Variants in FMNL2 observed in about 807,000 individuals in gnomAD.
FMNL2 encodes the protein formin-like protein 2.
FMNL2 carries 51 observed loss-of-function variants against 130.2 expected under a neutral mutation model. The ratio of observed to expected loss-of-function variants is 0.39; its 90% CI spans 0.31 to 0.49. The LOEUF (loss-of-function observed/expected upper bound fraction) is 0.49. FMNL2 is among the 20% of genes least tolerant of loss of function. The pLI is 0.85. For synonymous variants in FMNL2, 465 were observed against 467.1 expected (o/e 1.00, Z 0.06); for missense variants, 977 against 1,316.2 (o/e 0.74, Z 3.99).
intron 1 of FMNL2, among the ~76,000 whole-genome samples, chr2:152,432,241 T>C (rs1000580240): frequency 2.0e-5 from 3 of 152,078 alleles, no homozygotes; most frequent in African/African-American, 4.8e-5. Context: ...TCTCAGATGA[T>C]TCTGTCTTCA....
At chr2:152,408,769 A>G (rs1191266961) in intron 1 of FMNL2, among the ~76,000 whole-genome samples, 1 of 152,216 alleles carries the variant, frequency 6.6e-6, no homozygotes, top group East Asian at 1.9e-4. Context: ...TAAAGTGTTG[A>G]ATATCTCATG....
chr2:152,453,581 CA>C (rs1386790045), intron 1 of FMNL2, among the ~76,000 whole-genome samples: 1 of 152,122 alleles, frequency 6.6e-6, no homozygotes, highest in African/African-American at 2.4e-5. Context: ...GAGGGAGAAA[CA>C]AAAGGAGTTC....
chr2:152,432,728 T>C (rs1687563629), intron 1 of FMNL2, among the ~76,000 whole-genome samples: 1 of 152,254 alleles, frequency 6.6e-6, no homozygotes. Flanking sequence ...GGGCCGTTAA[T>C]TAAACTGTAG....
intron 9 of FMNL2, among the ~76,000 whole-genome samples, chr2:152,589,987 A>ATGTATATGTATGTATATGTATATG (rs1553482701): frequency 1.8e-5 from 1 of 55,254 alleles, no homozygotes; most frequent in Non-Finnish European, 3.4e-5. Context: ...ATATATATGT[A>ATGTATATGTATGTATATGTATATG]TATGTATATG....
At chr2:152,490,592 TG>T (rs1691106882) in intron 1 of FMNL2, among the ~76,000 whole-genome samples, 2 of 150,714 alleles carry the variant, frequency 1.3e-5, no homozygotes, top group East Asian at 3.9e-4. Flanking sequence ...TGTGTGTGTG[TG>T]TGTGTGTGTG....
At chr2:152,617,222 G>A (rs760294553) in intron 13 of FMNL2, 30 bp downstream of exon 13, 1 of 1,594,200 alleles carries the variant, frequency 6.3e-7, no homozygotes, top group Admixed American at 1.7e-5. Context: ...CTGCCCAGAT[G>A]GGCACGGTAG....
At chr2:152,495,685 A>C (rs1296774093) in intron 1 of FMNL2, among the ~76,000 whole-genome samples, 3 of 146,204 alleles carry the variant, frequency 2.1e-5, no homozygotes, top group East Asian at 3.9e-4. Context: ...TTCATGCCCT[A>C]AAAGCTTTTA....
At chr2:152,432,156 C>G (rs935632047) in intron 1 of FMNL2, among the ~76,000 whole-genome samples, 9 of 151,466 alleles carry the variant, frequency 5.9e-5, no homozygotes, top group Non-Finnish European at 1.0e-4. Context: ...AAAATGGGCC[C>G]ACAGGCTGAA....
intron 6 of FMNL2, among the ~76,000 whole-genome samples, chr2:152,565,689 G>A (rs192318001): frequency 6.6e-6 from 1 of 152,130 alleles, no homozygotes; most frequent in East Asian, 1.9e-4. Context: ...ACAACACCAA[G>A]GTCCACATTG....
At chr2:152,433,262 C>T (rs1484927474) in intron 1 of FMNL2, among the ~76,000 whole-genome samples, 1 of 152,166 alleles carries the variant, frequency 6.6e-6, no homozygotes, top group African/African-American at 2.4e-5. Context: ...ATTTTATTAG[C>T]ACTTACAATT....
chr2:152,628,855 A>C (rs1288621784), intron 18 of FMNL2, among the ~76,000 whole-genome samples: 2 of 152,240 alleles, frequency 1.3e-5, no homozygotes, highest in Non-Finnish European at 2.9e-5. Flanking sequence ...CTCTCTGAAG[A>C]TACTAGTCTT....
At chr2:152,532,673 T>A (rs963229521) in intron 2 of FMNL2, among the ~76,000 whole-genome samples, 1 of 151,466 alleles carries the variant, frequency 6.6e-6, no homozygotes, top group East Asian at 1.9e-4. Context: ...AGTGGCATGA[T>A]CTTGGCTCAT....
chr2:152,544,815 G>T (rs945265741), intron 3 of FMNL2, among the ~76,000 whole-genome samples: 4 of 152,214 alleles, frequency 2.6e-5, no homozygotes, highest in African/African-American at 9.6e-5. Context: ...TTAGAAGGAA[G>T]AGGTGGGCTT....
intron 1 of FMNL2, among the ~76,000 whole-genome samples, chr2:152,363,959 T>G (rs1683337796): frequency 1.3e-5 from 2 of 152,188 alleles, no homozygotes; most frequent in Admixed American, 1.3e-4. Context: ...AACTTAGAGT[T>G]AATTTGATTT....
At chr2:152,622,827 T>TCTC (rs1491455602) in intron 15 of FMNL2, among the ~76,000 whole-genome samples, 2 of 139,694 alleles carry the variant, frequency 1.4e-5, no homozygotes, top group Non-Finnish European at 3.0e-5. Flanking sequence ...TTTTTTTTTT[T>TCTC]CTTCTTCTTC....
intron 1 of FMNL2, among the ~76,000 whole-genome samples, chr2:152,451,756 C>A (rs1688664357): frequency 6.6e-6 from 1 of 152,102 alleles, no homozygotes; most frequent in Admixed American, 6.6e-5. Context: ...AATTAGGTGG[C>A]TTTTCCAGAC....
At chr2:152,527,578 T>C (rs1431710905) in intron 2 of FMNL2, among the ~76,000 whole-genome samples, 2 of 149,708 alleles carry the variant, frequency 1.3e-5, no homozygotes, top group Non-Finnish European at 2.9e-5. Flanking sequence ...TCAATTGCCA[T>C]TTTTTTAAGT....
intron 1 of FMNL2, among the ~76,000 whole-genome samples, chr2:152,362,257 T>C (rs1683220929): frequency 6.6e-6 from 1 of 152,188 alleles, no homozygotes; most frequent in Non-Finnish European, 1.5e-5. Flanking sequence ...TGTAACTGAG[T>C]CTTGACATAC....
Position 152,534,346 on chromosome 2 carries a change from T to C in FMNL2, c.202-8393T>C, listed in dbSNP as rs563100153. ...ATATTCCAGTTCAGTTTGATTCAGC[T>C]AGCACCTATTGAAGTTATGATAATT... On this transcript the variant is annotated intron_variant, in intron 2 of 25. Transcript: ENST00000288670. Among the ~76,000 whole-genome samples, 37 of 152,322 alleles carry C rather than the reference T, an allele frequency of 2.4e-4. No individual in the cohort carries two copies. The South Asian group carries it at 7.7e-3, about 32-fold the overall frequency.
Sources: allele counts gnomAD v4.1 joint callset (sites outside exome capture counted in the v4.1 genomes callset), GRCh38; gene constraint gnomAD v4.1.1; transcripts MANE v1.5; gene names NCBI Gene and HGNC (gene_info 2026-07-23, HGNC 2026-07-21).